The following MOCS2 variants were observed in gnomAD, a reference collection of about 807,000 sequenced individuals.
The protein encoded by MOCS2 is molybdopterin synthase catalytic subunit.
In MOCS2, 13 loss-of-function variants were observed where a neutral mutation model predicts 21.9. That is an observed-to-expected ratio of 0.59 (90% CI 0.39 to 0.94). The LOEUF is 0.94. MOCS2 is among the 40% of genes least tolerant of loss of function. The pLI is 0.00. For missense variants in MOCS2, 227 were observed against 218.3 expected (o/e 1.04, Z -0.25); for synonymous variants, 92 against 80.8 (o/e 1.14, Z -0.74).
Position 53,098,471 on chromosome 5 carries a change from C to T in MOCS2, c.*131G>A. The T allele has an allele frequency of 6.4e-6, 5 of 778,634 alleles. 1 individual carries two copies. The highest frequency in any genetic ancestry group is 6.0e-5 in the South Asian group (4 of 67,024). The allele number at this position is 778,634 out of a possible 1,614,324, so 48.2% of individuals were successfully genotyped here. A position where few individuals can be genotyped will look rare whatever the true frequency, so the allele number is the denominator to read the frequency against. On this transcript the variant is annotated 3_prime_UTR_variant, in exon 7 of 7. Transcript: ENST00000396954. ...CCCATTTATCTTGCTTCCTTTTTCT[C>T]CCTTTTGTCCCACTAGTATAAGAGA...
rs750107707 is a variant in MOCS2 at position 53,102,193 on chromosome 5, T to C, written c.130A>G (p.Lys44Glu). 1.2e-6 allele frequency: 2 copies of C among 1,612,084 alleles called. No individual in the cohort carries two copies. The highest frequency in any genetic ancestry group is 2.7e-5 in the African/African-American group (2 of 74,886). Residue 44 changes from lysine to glutamate, a missense_variant, in exon 4 of 7, where the codon AAA becomes GAA. By Grantham distance (56) the Lys-to-Glu change is moderately conservative. Coordinates refer to ENST00000396954, the MANE Select transcript of MOCS2 (RefSeq NM_004531.5). Reference sequence around the variant, plus strand: ...TCGGCAGTAAAGTTTATAACATCTTTAGATTTCTCTTCAACTTCATCCATA... The same window carrying C: ...TCGGCAGTAAAGTTTATAACATCTTCAGATTTCTCTTCAACTTCATCCATA... ...KDMDEVEEKS[K>E]DVINFTAEKL...
At chr5:53,102,034 G>A (rs1203987250) in intron 4 of MOCS2, 63 bp downstream of exon 4, 17 of 1,550,032 alleles carry the variant, frequency 1.1e-5, no homozygotes, top group Non-Finnish European at 1.5e-5. Context: ...ACTGAACATG[G>A]AAAGCACATG....
intron 3 of MOCS2, among the ~76,000 whole-genome samples, chr5:53,106,261 C>T (rs1317502816): frequency 6.6e-6 from 1 of 152,148 alleles, no homozygotes; most frequent in Admixed American, 6.5e-5. Context: ...CTGTTCACTG[C>T]AGCACTATTC....
intron 3 of MOCS2, 120 bp from the exon 4 acceptor site, chr5:53,102,344 G>A (rs2233212): frequency 1.0e-5 from 10 of 995,548 alleles, no homozygotes; most frequent in Non-Finnish European, 1.5e-6. Flanking sequence ...GGAAGAGGCT[G>A]TGGCACAAAA....
intron 1 of MOCS2, 61 bp downstream of exon 1, chr5:53,109,190 C>T: frequency 1.5e-6 from 1 of 689,350 alleles, no homozygotes; most frequent in African/African-American, 1.9e-5. Context: ...CTGGAATTTG[C>T]TAGAACAAAC....
chr5:53,104,803 T>C (rs976970478), intron 3 of MOCS2, among the ~76,000 whole-genome samples: 2 of 152,218 alleles, frequency 1.3e-5, no homozygotes, highest in African/African-American at 4.8e-5. Flanking sequence ...ATATGATATT[T>C]ACTCCTGATT....
rs1161171125 is a variant in MOCS2, at chr5:53,097,779, A to G, written c.*823T>C. 6.6e-6 allele frequency: 1 copy of G among 152,224 alleles called. No homozygotes were observed. Among genetic ancestry groups the G allele is most frequent in the Non-Finnish European group, 1.5e-5 (1 of 68,032 alleles). 9.4% of individuals were successfully genotyped at this position (152,224 alleles called of 1,614,324 possible). A position where few individuals can be genotyped will look rare whatever the true frequency, so the allele number is the denominator to read the frequency against. On this transcript the variant is annotated 3_prime_UTR_variant, in exon 7 of 7. Transcript: ENST00000396954. Reference sequence around the variant, plus strand: ...AGTATACCTAAATAAAGCTGGAAAAAAAAATTTAAGAACTATATGGGACTT... The same window carrying G: ...AGTATACCTAAATAAAGCTGGAAAAGAAAATTTAAGAACTATATGGGACTT...
At chr5:53,099,077 GA>G (rs1740835256) in intron 6 of MOCS2, among the ~76,000 whole-genome samples, 1 of 152,096 alleles carries the variant, frequency 6.6e-6, no homozygotes, top group African/African-American at 2.4e-5. Context: ...GCCGAGACTA[GA>G]ACCAGACTAG....
rs1469307840 is a variant in MOCS2, at chr5:53,102,144, G to T, written c.179C>A (p.Ser60Ter). ...TAEKLSVDEVSQLVISPLCGA... is the reference protein window; with the variant it reads ...TAEKLSVDEV ...ACAGAGCGGAGAAATCACCAACTGTGAGACTTCATCTACTGAAAGTTTCTC... is the reference window on the plus strand; with the variant it reads ...ACAGAGCGGAGAAATCACCAACTGTTAGACTTCATCTACTGAAAGTTTCTC... Residue 60 changes from serine to a stop codon, truncating the protein, a stop_gained, in exon 4 of 7, where the codon TCA (serine) becomes TAA (stop). Transcript: ENST00000396954. LOFTEE classifies it high-confidence loss of function. 6.2e-7 allele frequency: 1 copy of T among 1,613,724 alleles called. No homozygotes were observed. The highest frequency in any genetic ancestry group is 1.1e-5 in the South Asian group (1 of 91,050).
At position 53,096,782 on chromosome 5, in the gene MOCS2, T is replaced by C. The variant is rs1309267698; in HGVS notation, c.*1820A>G. 6.6e-6 allele frequency: 1 copy of C among 152,230 alleles called. No individual in the cohort carries two copies. The highest frequency in any genetic ancestry group is 2.4e-5 in the African/African-American group (1 of 41,466). 9.4% of individuals were successfully genotyped at this position (152,230 alleles called of 1,614,324 possible). On this transcript the variant is annotated 3_prime_UTR_variant, in exon 7 of 7. Coordinates refer to ENST00000396954, the MANE Select transcript of MOCS2 (RefSeq NM_004531.5). ...TCAGTTCCAAACTTAGAATAAAGCC[T>C]ACTTAATGAAGGCATGATTCTTTTA...
At chr5:53,099,224 T>A (rs1324642031) in intron 6 of MOCS2, among the ~76,000 whole-genome samples, 1 of 152,174 alleles carries the variant, frequency 6.6e-6, no homozygotes. Context: ...TTCCTCGGAC[T>A]CTCTATGGAC....
chr5:53,098,814 AGGT>A, intron 6 of MOCS2, 147 bp from the exon 7 acceptor site: 1 of 676,328 alleles, frequency 1.5e-6, no homozygotes, highest in South Asian at 1.8e-5. Context: ...ATCATGGGCA[AGGT>A]TACATAGGGG....
chr5:53,101,285 A>G (rs1239699869), intron 5 of MOCS2, 74 bp downstream of exon 5: 2 of 1,423,538 alleles, frequency 1.4e-6, no homozygotes, highest in Non-Finnish European at 9.9e-7. Context: ...ACTAAGAAAG[A>G]TTCAAGAATC....
Position 53,107,184 on chromosome 5 carries a change from G to A in MOCS2, c.-10C>T, listed in dbSNP as rs146074751. On this transcript the variant is annotated 5_prime_UTR_variant, in exon 3 of 7. Transcript: ENST00000396954. The stretch of plus-strand genomic sequence containing the variant: ...TCTCCAAGCTCGACATATTCTTGAC[G>A]AACAGCAAATATTATCTGATTTCTA... The A allele has an allele frequency of 8.5e-4, 1,371 of 1,613,994 alleles. 2 individuals are homozygous for A. Among genetic ancestry groups the A allele is most frequent in the Admixed American group, 1.5e-3 (92 of 60,006 alleles).
In MOCS2 at chr5:53,097,311, G is replaced by T. The variant is rs1304283186; in HGVS notation, c.*1291C>A. The T allele has an allele frequency of 6.6e-6, 1 of 152,180 alleles. No homozygotes were observed. The highest frequency in any genetic ancestry group is 3.2e-3 in the Middle Eastern group (1 of 316). 9.4% of individuals were successfully genotyped at this position (152,180 alleles called of 1,614,324 possible). A position where few individuals can be genotyped will look rare whatever the true frequency, so the allele number is the denominator to read the frequency against. On this transcript the variant is annotated 3_prime_UTR_variant, in exon 7 of 7. Coordinates refer to ENST00000396954, the MANE Select transcript of MOCS2 (RefSeq NM_004531.5). ...CAGAGTGTTCCTCAAGGTATTTTAG[G>T]TTGGCAGAAAAAGATCACTGGGTGG...
At chr5:53,100,658 T>C in intron 5 of MOCS2, 124 bp from the exon 6 acceptor site, 1 of 980,766 alleles carries the variant, frequency 1.0e-6, no homozygotes, top group Non-Finnish European at 1.6e-6. Flanking sequence ...AGTTCTATTT[T>C]ACGTAAACAT....
In MOCS2 at chr5:53,102,151, C is replaced by G; in HGVS notation, c.172G>C (p.Glu58Gln). 2 of 1,613,608 alleles carry G rather than the reference C, an allele frequency of 1.2e-6. No homozygotes were observed. The highest frequency in any genetic ancestry group is 8.5e-7 in the Non-Finnish European group (1 of 1,179,634). The change falls in exon 4 of 7, where the codon GAA becomes CAA. Residue 58 changes from glutamate to glutamine, a missense_variant. By Grantham distance (29) the Glu-to-Gln change is conservative. Transcript: ENST00000396954. ...GGAGAAATCACCAACTGTGAGACTTCATCTACTGAAAGTTTCTCGGCAGTA... is the reference window on the plus strand; with the variant it reads ...GGAGAAATCACCAACTGTGAGACTTGATCTACTGAAAGTTTCTCGGCAGTA... Reference protein sequence around the residue: ...NFTAEKLSVDEVSQLVISPLC... With the variant: ...NFTAEKLSVDQVSQLVISPLC...
intron 1 of MOCS2, 83 bp from the exon 2 acceptor site, chr5:53,108,726 A>C: frequency 7.0e-7 from 1 of 1,418,456 alleles, no homozygotes; most frequent in Non-Finnish European, 9.6e-7. Flanking sequence ...CATTTTCCAA[A>C]TGTATTGCTT....
chr5:53,099,720 T>C (rs977793597), intron 6 of MOCS2, among the ~76,000 whole-genome samples: 11 of 152,336 alleles, frequency 7.2e-5, no homozygotes, highest in African/African-American at 2.6e-4. Flanking sequence ...GGTCTTTTCA[T>C]CTACTGAGCT....
Sources: gnomAD v4.1 joint callset for allele counts (sites outside exome capture counted in the v4.1 genomes callset) on GRCh38, gnomAD v4.1.1 for gene constraint, MANE v1.5 for transcripts, NCBI Gene and HGNC (gene_info 2026-07-23, HGNC 2026-07-21) for gene names.